IPMK: variants seen among roughly 807,000 people sequenced by gnomAD.
IPMK encodes inositol polyphosphate multikinase.
IPMK carries 17 observed loss-of-function variants against 45.8 expected under a neutral mutation model. The ratio of observed to expected loss-of-function variants is 0.37; its 90% CI spans 0.25 to 0.56. The LOEUF (loss-of-function observed/expected upper bound fraction) is 0.56. Ranked by LOEUF, IPMK falls within the 20% of genes least tolerant of loss-of-function variation. The pLI is 0.79. For synonymous variants in IPMK, 180 were observed against 184.3 expected, an observed-to-expected ratio of 0.98 and a Z score of 0.19; for missense variants, 399 against 498.0, an observed-to-expected ratio of 0.80 and a Z score of 1.89.
rs1350763370 is a variant in IPMK, at chr10:58,216,555, CAA to C, written c.374-240_374-239del. Reference sequence around the variant, plus strand: ...TGAATTAAATAAATTCAACCACAAGCAAAAGACAGCAGATACGAGGTTTCCAA... The same window carrying C: ...TGAATTAAATAAATTCAACCACAAGCAAGACAGCAGATACGAGGTTTCCAA... On this transcript the variant is annotated intron_variant, in intron 3 of 5. Transcript: ENST00000373935. 2.6e-5 allele frequency among the ~76,000 whole-genome samples: 4 copies of C among 151,082 alleles called. No individual in the cohort carries two copies. The East Asian group carries it at 7.9e-4, about 30-fold the overall frequency.
chr10:58,249,018 C>A (rs1016036071), intron 1 of IPMK, among the ~76,000 whole-genome samples: 14 of 152,200 alleles, frequency 9.2e-5, no homozygotes, highest in African/African-American at 3.1e-4. Flanking sequence ...ATCTCTTCAA[C>A]ATACTGATTT....
chr10:58,222,269 T>C (rs1185675196), intron 3 of IPMK, among the ~76,000 whole-genome samples: 2 of 152,192 alleles, frequency 1.3e-5, no homozygotes, highest in African/African-American at 4.8e-5. Context: ...ATATGATGAT[T>C]GGAAAATATC....
At chr10:58,232,892 T>C (rs1486050027) in intron 2 of IPMK, among the ~76,000 whole-genome samples, 2 of 152,188 alleles carry the variant, frequency 1.3e-5, no homozygotes. Flanking sequence ...ATCCAGGAGC[T>C]GGTTTTTTGA....
intron 4 of IPMK, among the ~76,000 whole-genome samples, chr10:58,210,803 T>C (rs1370912630): frequency 5.3e-5 from 8 of 152,224 alleles, no homozygotes; most frequent in African/African-American, 1.9e-4. Context: ...TCACAGTTTT[T>C]CACCTAACTC....
intron 1 of IPMK, among the ~76,000 whole-genome samples, chr10:58,238,413 C>A (rs1184092921): frequency 6.6e-6 from 1 of 152,198 alleles, no homozygotes; most frequent in Non-Finnish European, 1.5e-5. Context: ...TTTTTATAAT[C>A]TGTCCATTCA....
chr10:58,265,911 G>A (rs894676248), intron 1 of IPMK, among the ~76,000 whole-genome samples: 1 of 152,234 alleles, frequency 6.6e-6, no homozygotes, highest in Middle Eastern at 3.4e-3. Context: ...TTGCATATAA[G>A]TCAATCTCTA....
intron 2 of IPMK, among the ~76,000 whole-genome samples, chr10:58,234,368 G>A (rs1269549616): frequency 1.3e-5 from 2 of 151,974 alleles, no homozygotes; most frequent in Non-Finnish European, 2.9e-5. Context: ...ACAATCCTAA[G>A]CAAAAAGAAA....
chr10:58,252,918 A>T (rs1020959621), intron 1 of IPMK, among the ~76,000 whole-genome samples: 5 of 150,736 alleles, frequency 3.3e-5, no homozygotes, highest in Non-Finnish European at 5.9e-5. Context: ...GGCCACATCC[A>T]TGAGGTTTTT....
At chr10:58,261,615 G>C (rs1417817230) in intron 1 of IPMK, among the ~76,000 whole-genome samples, 2 of 149,482 alleles carry the variant, frequency 1.3e-5, no homozygotes, top group East Asian at 3.9e-4. Flanking sequence ...AGACAGTCTT[G>C]CTCTGTCACC....
chr10:58,201,685 TA>T (rs1838000622), intron 4 of IPMK, among the ~76,000 whole-genome samples: 1 of 152,156 alleles, frequency 6.6e-6, no homozygotes, highest in African/African-American at 2.4e-5. Flanking sequence ...GTCTCTCACT[TA>T]AAATCAAAAG....
chr10:58,261,954 G>A (rs1482746162), intron 1 of IPMK, among the ~76,000 whole-genome samples: 1 of 152,148 alleles, frequency 6.6e-6, no homozygotes, highest in East Asian at 1.9e-4. Flanking sequence ...CGACATGGAT[G>A]AAACTGGAAA....
At chr10:58,218,694 G>T (rs1430342918) in intron 3 of IPMK, among the ~76,000 whole-genome samples, 2 of 152,056 alleles carry the variant, frequency 1.3e-5, no homozygotes, top group Non-Finnish European at 2.9e-5. Context: ...CTCACTGTAG[G>T]GTTAGTGTCT....
At chr10:58,243,296 C>T (rs182959508) in intron 1 of IPMK, among the ~76,000 whole-genome samples, 1 of 152,280 alleles carries the variant, frequency 6.6e-6, no homozygotes, top group East Asian at 1.9e-4. Flanking sequence ...TGTATACATG[C>T]ATATGCATTG....
intron 3 of IPMK, among the ~76,000 whole-genome samples, chr10:58,221,777 C>A (rs1446535070): frequency 2.6e-5 from 4 of 151,330 alleles, no homozygotes; most frequent in Non-Finnish European, 5.9e-5. Flanking sequence ...GAAACAGGGT[C>A]TCTCTCTGTC....
intron 5 of IPMK, among the ~76,000 whole-genome samples, chr10:58,197,787 CTTTCG>C (rs1837931835): frequency 6.6e-6 from 1 of 152,146 alleles, no homozygotes. Context: ...AATCCCAGCA[CTTTCG>C]GAGGCAGAGG....
Position 58,199,271 on chromosome 10 carries a change from T to C in IPMK, c.597A>G (p.Gly199=). The change falls in exon 5 of 6, where the codon GGA becomes GGG. Residue 199 remains glycine, a synonymous_variant. Coordinates refer to ENST00000373935, the MANE Select transcript of IPMK (RefSeq NM_152230.5). ...TTATAGTTTCTTTTGTTAAGCTTCTTCCGTAATGCTGGTTTTCTGTCTCAT... is the reference window on the plus strand; with the variant it reads ...TTATAGTTTCTTTTGTTAAGCTTCTCCCGTAATGCTGGTTTTCTGTCTCAT... ...DSYETENQHY[G]RSLTKETIKD... is the part of the protein sequence containing the mutation. The C allele has an allele frequency of 6.2e-7, 1 of 1,609,046 alleles. No individual in the cohort carries two copies. Among genetic ancestry groups the C allele is most frequent in the South Asian group, 1.1e-5 (1 of 90,468 alleles).
At chr10:58,247,866 C>T (rs1838825625) in intron 1 of IPMK, among the ~76,000 whole-genome samples, 1 of 152,094 alleles carries the variant, frequency 6.6e-6, no homozygotes, top group African/African-American at 2.4e-5. Flanking sequence ...ATAGAATAAA[C>T]TCTCACATTA....
At chr10:58,251,384 CT>C (rs1259178645) in intron 1 of IPMK, among the ~76,000 whole-genome samples, 1 of 151,976 alleles carries the variant, frequency 6.6e-6, no homozygotes, top group African/African-American at 2.4e-5. Context: ...TTTGTTAAGA[CT>C]TGCTTTGGGA....
chr10:58,199,419 T>G (rs1195107490), intron 4 of IPMK, 98 bp from the exon 5 acceptor site: 3 of 617,086 alleles, frequency 4.9e-6, no homozygotes, highest in East Asian at 3.2e-5. Context: ...TCTACTCAGG[T>G]AATTCATTCT....
Sources: allele counts gnomAD v4.1 joint callset (sites outside exome capture counted in the v4.1 genomes callset), GRCh38; gene constraint gnomAD v4.1.1; transcripts MANE v1.5; gene names NCBI Gene and HGNC (gene_info 2026-07-23, HGNC 2026-07-21).